The following TBL1XR1 variants were observed in gnomAD, a reference collection of about 807,000 sequenced individuals.
TBL1XR1 encodes the protein TBL1X/Y related 1, also known as F-box-like/WD repeat-containing protein TBL1XR1.
TBL1XR1 carries 5 observed loss-of-function variants against 66.9 expected under a neutral mutation model. That is an observed-to-expected ratio of 0.07 (90% CI 0.04 to 0.16). The LOEUF (loss-of-function observed/expected upper bound fraction) is 0.16, where lower values mean the gene tolerates loss of function less well. TBL1XR1 is among the 10% of genes least tolerant of loss of function. TBL1XR1 has a pLI of 1.00. For missense variants in TBL1XR1, 238 were observed against 623.2 expected, an observed-to-expected ratio of 0.38 and a Z score of 6.58; for synonymous variants, 210 against 206.0, an observed-to-expected ratio of 1.02 and a Z score of -0.17.
At chr3:177,075,662 T>C (rs1160786542) in intron 2 of TBL1XR1, among the ~76,000 whole-genome samples, 1 of 152,186 alleles carries the variant, frequency 6.6e-6, no homozygotes, top group East Asian at 1.9e-4. Flanking sequence ...TGCCATCTAC[T>C]TAGCAGTTAG....
intron 1 of TBL1XR1, among the ~76,000 whole-genome samples, chr3:177,149,170 A>G (rs1730596440): frequency 6.6e-6 from 1 of 152,218 alleles, no homozygotes; most frequent in African/African-American, 2.4e-5. Flanking sequence ...GGTGATTGCA[A>G]TGCGGAGTAC....
At chr3:177,096,447 T>C (rs1723500667) in intron 2 of TBL1XR1, among the ~76,000 whole-genome samples, 1 of 152,140 alleles carries the variant, frequency 6.6e-6, no homozygotes, top group African/African-American at 2.4e-5. Context: ...AAATATAGTC[T>C]ATGAGCGGTT....
intron 1 of TBL1XR1, among the ~76,000 whole-genome samples, chr3:177,114,677 G>T (rs548024288): frequency 7.0e-6 from 1 of 143,518 alleles, no homozygotes; most frequent in African/African-American, 2.5e-5. Flanking sequence ...AAATTAAAAA[G>T]AAAAAAAAAA....
At chr3:177,180,798 A>G (rs1397412357) in intron 1 of TBL1XR1, among the ~76,000 whole-genome samples, 2 of 151,874 alleles carry the variant, frequency 1.3e-5, no homozygotes, top group East Asian at 3.9e-4. Context: ...GTGCAATGAC[A>G]TGATCTCAGC....
chr3:177,029,305 C>G (rs552264613), intron 14 of TBL1XR1, among the ~76,000 whole-genome samples: 23 of 152,122 alleles, frequency 1.5e-4, no homozygotes, highest in African/African-American at 5.3e-4. Context: ...ATAAATACAT[C>G]TAAACATTAA....
intron 3 of TBL1XR1, among the ~76,000 whole-genome samples, chr3:177,064,134 C>T (rs1463946436): frequency 6.6e-6 from 1 of 152,174 alleles, no homozygotes; most frequent in Non-Finnish European, 1.5e-5. Flanking sequence ...GGGCACCTCA[C>T]CTTACTGCTA....
chr3:177,102,627 C>T (rs763569795), intron 1 of TBL1XR1, among the ~76,000 whole-genome samples: 26 of 152,190 alleles, frequency 1.7e-4, no homozygotes, highest in Middle Eastern at 3.2e-3. Flanking sequence ...ACATGTGTGT[C>T]CCGTCTATCT....
intron 3 of TBL1XR1, among the ~76,000 whole-genome samples, chr3:177,055,462 G>C (rs1350807465): frequency 6.9e-6 from 1 of 145,824 alleles, no homozygotes; most frequent in Non-Finnish European, 1.5e-5. Context: ...CCCTGATTTT[G>C]CCCATAAGCA....
intron 1 of TBL1XR1, among the ~76,000 whole-genome samples, chr3:177,153,930 A>C (rs1482243504): frequency 6.6e-6 from 1 of 151,642 alleles, no homozygotes; most frequent in African/African-American, 2.4e-5. Context: ...GGTAGCCACT[A>C]AAGAGGTATG....
intron 1 of TBL1XR1, among the ~76,000 whole-genome samples, chr3:177,156,550 T>TACAC (rs1731542635): frequency 1.4e-5 from 2 of 138,464 alleles, no homozygotes; most frequent in Admixed American, 7.3e-5. Context: ...CACACACACT[T>TACAC]ATATATATAT....
chr3:177,190,065 G>A (rs550673393), intron 1 of TBL1XR1, among the ~76,000 whole-genome samples: 31 of 144,980 alleles, frequency 2.1e-4, no homozygotes, highest in Middle Eastern at 3.8e-3. Flanking sequence ...CCCAGGAGAC[G>A]GAGGTTTCAG....
chr3:177,167,620 A>G (rs954550767), intron 1 of TBL1XR1, among the ~76,000 whole-genome samples: 3 of 152,192 alleles, frequency 2.0e-5, no homozygotes, highest in African/African-American at 7.2e-5. Flanking sequence ...TGTGAACCTA[A>G]AACTGCTCTT....
At chr3:177,197,620 G>T (rs1358172380), upstream of TBL1XR1, among the ~76,000 whole-genome samples, 1 of 137,016 alleles carries the variant, frequency 7.3e-6, no homozygotes, top group East Asian at 2.2e-4. Context: ...GGCCTGCGCC[G>T]GGCGGGCGGG....
At chr3:177,107,005 C>G (rs1181844167) in intron 1 of TBL1XR1, among the ~76,000 whole-genome samples, 1 of 152,116 alleles carries the variant, frequency 6.6e-6, no homozygotes, top group Non-Finnish European at 1.5e-5. Flanking sequence ...CATAACCTCA[C>G]AGTGATAATG....
intron 1 of TBL1XR1, among the ~76,000 whole-genome samples, chr3:177,158,635 G>A (rs1731808315): frequency 6.6e-6 from 1 of 152,080 alleles, no homozygotes; most frequent in East Asian, 1.9e-4. Context: ...CTGTTGCTAT[G>A]GTGTTGCTCC....
intron 7 of TBL1XR1, among the ~76,000 whole-genome samples, chr3:177,048,559 G>C (rs1017394471): frequency 3.3e-5 from 5 of 152,146 alleles, no homozygotes; most frequent in African/African-American, 1.2e-4. Context: ...TCAAGAAGAA[G>C]GGGAGCCATG....
At chr3:177,084,588 G>A (rs553591273) in intron 2 of TBL1XR1, among the ~76,000 whole-genome samples, 151 of 152,338 alleles carry the variant, frequency 9.9e-4, no homozygotes, top group African/African-American at 3.6e-3. Context: ...TTACCAGTTT[G>A]GGGGTCAACC....
At chr3:177,167,517 G>A (rs1732966835) in intron 1 of TBL1XR1, among the ~76,000 whole-genome samples, 1 of 152,230 alleles carries the variant, frequency 6.6e-6, no homozygotes, top group Non-Finnish European at 1.5e-5. Flanking sequence ...TTCATCAACT[G>A]TAACCAACGT....
At chr3:177,044,810 C>G (rs141669940) in intron 10 of TBL1XR1, 166 of 152,130 alleles carry the variant, frequency 1.1e-3, no homozygotes, top group African/African-American at 3.7e-3. Context: ...GAAAGAGCAC[C>G]ATCTCCAACA....
Sources: gnomAD v4.1 joint callset for allele counts (sites outside exome capture counted in the v4.1 genomes callset) on GRCh38, gnomAD v4.1.1 for gene constraint, MANE v1.5 for transcripts, NCBI Gene and HGNC (gene_info 2026-07-23, HGNC 2026-07-21) for gene names.